SLC16A7: variants seen among roughly 807,000 people sequenced by gnomAD.
SLC16A7 encodes solute carrier family 16 member 7, also known as monocarboxylate transporter 2.
A neutral mutation model predicts 34.9 loss-of-function variants in SLC16A7; 33 were observed. The ratio of observed to expected loss-of-function variants is 0.94; its 90% CI spans 0.72 to 1.26. The LOEUF (loss-of-function observed/expected upper bound fraction) is 1.26, where lower values mean the gene tolerates loss of function less well. SLC16A7 is among the 50% of genes most tolerant of loss of function. The probability of loss-of-function intolerance (pLI) is 0.00; values close to 1 mark genes in which losing one functional copy is unlikely to be tolerated. For synonymous variants in SLC16A7, 201 were observed against 206.6 expected, an observed-to-expected ratio of 0.97 and a Z score of 0.23; for missense variants, 573 against 578.1, an observed-to-expected ratio of 0.99 and a Z score of 0.09.
At position 59,780,595 on chromosome 12, in the gene SLC16A7, G is replaced by A. The variant is rs997139228; in HGVS notation, c.*916G>A. 3 of 152,064 alleles carry A rather than the reference G, an allele frequency of 2.0e-5. No homozygotes were observed. The highest frequency in any genetic ancestry group is 1.3e-4 in the Admixed American group (2 of 15,238). 9.4% of individuals were successfully genotyped at this position (152,064 alleles called of 1,614,324 possible). A position where few individuals can be genotyped will look rare whatever the true frequency, so the allele number is the denominator to read the frequency against. Reference sequence around the variant, plus strand: ...ATCCATTGATTTTACAGGGATTTTAGTTCGTAATCCAGAAAGTAATAATCA... The same window carrying A: ...ATCCATTGATTTTACAGGGATTTTAATTCGTAATCCAGAAAGTAATAATCA... On this transcript the variant is annotated 3_prime_UTR_variant, in exon 6 of 6. Coordinates refer to ENST00000547379, the MANE Select transcript of SLC16A7 (RefSeq NM_001270623.2).
intron 1 of SLC16A7, among the ~76,000 whole-genome samples, chr12:59,649,381 G>C (rs1217004869): frequency 1.3e-5 from 2 of 152,194 alleles, no homozygotes; most frequent in Non-Finnish European, 2.9e-5. Flanking sequence ...GGGCTTGAGA[G>C]TGAGAGACAA....
intron 3 of SLC16A7, among the ~76,000 whole-genome samples, chr12:59,754,485 G>A (rs371277865): frequency 2.8e-4 from 43 of 152,122 alleles, no homozygotes; most frequent in Non-Finnish European, 2.8e-4. Context: ...ACACCTCTAC[G>A]CAAATAAACT....
chr12:59,654,695 A>G (rs1868445949), intron 1 of SLC16A7, among the ~76,000 whole-genome samples: 1 of 141,504 alleles, frequency 7.1e-6, no homozygotes, highest in African/African-American at 2.6e-5. Flanking sequence ...AGGCATGCAC[A>G]CACACACACA....
chr12:59,628,430 T>C (rs796635517), intron 1 of SLC16A7, among the ~76,000 whole-genome samples: 5 of 152,012 alleles, frequency 3.3e-5, no homozygotes, highest in African/African-American at 1.2e-4. Context: ...ATTTATCCAA[T>C]CTTCTTCTCT....
intron 3 of SLC16A7, among the ~76,000 whole-genome samples, chr12:59,742,573 A>G (rs1878460702): frequency 6.6e-6 from 1 of 152,204 alleles, no homozygotes; most frequent in African/African-American, 2.4e-5. Flanking sequence ...GAGAAATTAA[A>G]GGCAAGGAAA....
intron 2 of SLC16A7, among the ~76,000 whole-genome samples, chr12:59,672,240 GTA>G (rs372486886): frequency 6.4e-5 from 7 of 109,022 alleles, no homozygotes; most frequent in Non-Finnish European, 9.5e-5. Flanking sequence ...GCATATATAC[GTA>G]TATATATGTG....
At chr12:59,612,989 T>C (rs1331779522) in intron 1 of SLC16A7, among the ~76,000 whole-genome samples, 3 of 152,226 alleles carry the variant, frequency 2.0e-5, no homozygotes, top group African/African-American at 7.2e-5. Context: ...CCAAAGTCGC[T>C]TCCACATATT....
rs562202023 is a variant in SLC16A7, at chr12:59,697,512, C to CT, written c.-30-7260_-30-7259insT. Among the ~76,000 whole-genome samples, 214 of 151,988 alleles carry CT rather than the reference C, an allele frequency of 1.4e-3. 1 individual carries two copies. The highest frequency in any genetic ancestry group is 6.8e-3 in the Middle Eastern group (2 of 294). On this transcript the variant is annotated intron_variant, in intron 2 of 5. Coordinates refer to ENST00000547379, the MANE Select transcript of SLC16A7 (RefSeq NM_001270623.2). ...CTTCTTTCCGTTTTTCTGATGCTTCCATTTTTAGTCCTTTTCTGAATTTGG... is the reference window on the plus strand; with the variant it reads ...CTTCTTTCCGTTTTTCTGATGCTTCCTATTTTTAGTCCTTTTCTGAATTTGG...
chr12:59,784,440 TATA>T lies in SLC16A7; in HGVS notation c.*4765_*4767del, dbSNP rs1444324944. On this transcript the variant is annotated 3_prime_UTR_variant, in exon 6 of 6. Transcript: ENST00000547379. ...TTAGAATTTTAGTGATTATTCCATTTATAATATTATCCGTAGCTACCAAAAAAA... is the reference window on the plus strand; with the variant it reads ...TTAGAATTTTAGTGATTATTCCATTTATATTATCCGTAGCTACCAAAAAAA... 4 of 152,318 alleles carry T rather than the reference TATA, an allele frequency of 2.6e-5. No homozygotes were observed. Among genetic ancestry groups the T allele is most frequent in the Non-Finnish European group, 4.4e-5 (3 of 68,010 alleles). The allele number at this position is 152,318 out of a possible 1,614,324, so 9.4% of individuals were successfully genotyped here. A position where few individuals can be genotyped will look rare whatever the true frequency, so the allele number is the denominator to read the frequency against.
chr12:59,787,745 A>C lies in SLC16A7; in HGVS notation c.*8066A>C, dbSNP rs935721957. Reference sequence around the variant, plus strand: ...TTTATGAATTGGGTGGGCCCTAAAAACATCTGTAGTACGTGATGTGTTTGG... The same window carrying C: ...TTTATGAATTGGGTGGGCCCTAAAACCATCTGTAGTACGTGATGTGTTTGG... On this transcript the variant is annotated 3_prime_UTR_variant, in exon 6 of 6. Coordinates refer to ENST00000547379, the MANE Select transcript of SLC16A7 (RefSeq NM_001270623.2). 2 of 152,158 alleles carry C rather than the reference A, an allele frequency of 1.3e-5. No homozygotes were observed. The highest frequency in any genetic ancestry group is 2.9e-5 in the Non-Finnish European group (2 of 68,022). The allele number at this position is 152,158 out of a possible 1,614,324, so 9.4% of individuals were successfully genotyped here. A position where few individuals can be genotyped will look rare whatever the true frequency, so the allele number is the denominator to read the frequency against.
chr12:59,614,839 A>AG, intron 1 of SLC16A7, among the ~76,000 whole-genome samples: 1 of 147,726 alleles, frequency 6.8e-6, no homozygotes, highest in East Asian at 2.0e-4. Flanking sequence ...AAAAAAAAAA[A>AG]AAAAAAAAAA....
At chr12:59,679,769 GA>G (rs1224907831) in intron 2 of SLC16A7, among the ~76,000 whole-genome samples, 1 of 152,158 alleles carries the variant, frequency 6.6e-6, no homozygotes, top group Non-Finnish European at 1.5e-5. Context: ...ATGAATTAAT[GA>G]ATGCTGGAGA....
At chr12:59,767,302 G>T (rs746086424) in intron 3 of SLC16A7, among the ~76,000 whole-genome samples, 14 of 151,942 alleles carry the variant, frequency 9.2e-5, no homozygotes, top group Admixed American at 5.3e-4. Context: ...TGAAGATCTA[G>T]CTAAGATCAT....
At chr12:59,758,915 G>T (rs940257730) in intron 3 of SLC16A7, among the ~76,000 whole-genome samples, 1 of 151,878 alleles carries the variant, frequency 6.6e-6, no homozygotes, top group African/African-American at 2.4e-5. Flanking sequence ...TCCAAGTCTT[G>T]TTGCCATTTT....
At position 59,717,549 on chromosome 12, in the gene SLC16A7, C is replaced by T. The variant is rs541013802; in HGVS notation, c.217+12531C>T. 1.2e-4 allele frequency among the ~76,000 whole-genome samples: 19 copies of T among 152,206 alleles called. No individual in the cohort carries two copies. In the South Asian group the frequency reaches 2.1e-3, roughly 17 times the overall value. On this transcript the variant is annotated intron_variant, in intron 3 of 5. Coordinates refer to ENST00000547379, the MANE Select transcript of SLC16A7 (RefSeq NM_001270623.2). ...TATTACTTAATGGTATTCCTTAAATCGAACATGATATGTTTTAGAAGCTAG... is the reference window on the plus strand; with the variant it reads ...TATTACTTAATGGTATTCCTTAAATTGAACATGATATGTTTTAGAAGCTAG...
chr12:59,668,874 A>G (rs1024827493), intron 2 of SLC16A7, among the ~76,000 whole-genome samples: 3 of 152,148 alleles, frequency 2.0e-5, no homozygotes, highest in African/African-American at 7.2e-5. Flanking sequence ...GTGATAGTGA[A>G]TAAGTCTCAC....
intron 3 of SLC16A7, among the ~76,000 whole-genome samples, chr12:59,728,927 T>A (rs1876609619): frequency 6.6e-6 from 1 of 152,178 alleles, no homozygotes; most frequent in South Asian, 2.1e-4. Context: ...GTGGGAAATA[T>A]CAAATAATTA....
intron 1 of SLC16A7, among the ~76,000 whole-genome samples, chr12:59,643,873 C>T (rs745425274): frequency 2.8e-4 from 42 of 152,200 alleles, no homozygotes; most frequent in Non-Finnish European, 5.0e-4. Flanking sequence ...AATGTCACAT[C>T]GGTATTTCAG....
rs368732290 is a variant in SLC16A7 at position 59,689,937 on chromosome 12, G to A, written c.-30-14835G>A. Among the ~76,000 whole-genome samples, 116 of 152,102 alleles carry A rather than the reference G, an allele frequency of 7.6e-4. No individual in the cohort carries two copies. In the South Asian group the frequency reaches 0.023, roughly 30 times the overall value. On this transcript the variant is annotated intron_variant, in intron 2 of 5. Coordinates refer to ENST00000547379, the MANE Select transcript of SLC16A7 (RefSeq NM_001270623.2). ...GGGACAATTTCAGGAGTCAGGGGAT[G>A]CTGATAAGTGGAATTCCAGGCTCTC...
Sources: allele counts gnomAD v4.1 joint callset (sites outside exome capture counted in the v4.1 genomes callset), GRCh38; gene constraint gnomAD v4.1.1; transcripts MANE v1.5; gene names NCBI Gene and HGNC (gene_info 2026-07-23, HGNC 2026-07-21).